The following HELZ2 variants were observed in gnomAD, a reference collection of about 807,000 sequenced individuals.
The protein encoded by HELZ2 is helicase with zinc finger 2.
In HELZ2, 143 loss-of-function variants were observed where a neutral mutation model predicts 208.8. That is an observed-to-expected ratio of 0.68 (90% CI 0.60 to 0.79). The LOEUF (loss-of-function observed/expected upper bound fraction) is 0.79. HELZ2 is among the 30% of genes least tolerant of loss of function. The pLI, the probability that HELZ2 is intolerant of heterozygous loss-of-function variation, is 0.00. For synonymous variants in HELZ2, 1,705 were observed against 1,693.7 expected (o/e 1.01, Z -0.16); for missense variants, 3,690 against 3,794.5 (o/e 0.97, Z 0.72).
exon 11 of HELZ2, chr20:63,561,848 G>A (rs753966138): frequency 1.4e-4 from 220 of 1,563,164 alleles, no homozygotes; most frequent in Non-Finnish European, 1.7e-4. Flanking sequence ...CCGACTTGTT[G>A]GAGGGGCCGC....
exon 8 of HELZ2, chr20:63,563,987 G>A (rs756899728): frequency 3.1e-6 from 5 of 1,603,022 alleles, no homozygotes; most frequent in Middle Eastern, 3.3e-4. Context: ...GTAGTCCTGG[G>A]TGCGGGCAGC....
At chr20:63,559,781 A>G (rs1318921224) in intron 18 of HELZ2, 147 bp downstream of exon 19, 3 of 501,626 alleles carry the variant, frequency 6.0e-6, no homozygotes, top group Non-Finnish European at 3.4e-6. Flanking sequence ...GATGGGAGTC[A>G]GTCAGAGTCA....
chr20:63,564,128 G>T, exon 8 of HELZ2: 1 of 1,611,798 alleles, frequency 6.2e-7, no homozygotes, highest in Non-Finnish European at 8.5e-7. Flanking sequence ...CTCACACAGG[G>T]CCTTGAGCTG....
chr20:63,570,115 ATTTTTTTTTT>A (rs56804055), intron 3 of HELZ2: 2,429 of 285,688 alleles, frequency 8.5e-3, no homozygotes, highest in East Asian at 0.043. Context: ...TGCCTGGCTA[ATTTTTTTTTT>A]TTTTTTTTTT....
exon 5 of HELZ2, chr20:63,568,570 A>T (rs749302439): frequency 1.7e-5 from 27 of 1,589,070 alleles, no homozygotes; most frequent in African/African-American, 2.7e-5. Context: ...GGACAGACCA[A>T]GGTCTGGGCA....
downstream of HELZ2, chr20:63,559,175 G>A (rs2082848484): frequency 1.4e-6 from 2 of 1,433,336 alleles, no homozygotes; most frequent in South Asian, 1.4e-5. Context: ...ATGGCGGAGG[G>A]TGGTGGGGAG....
Position 63,561,150 on chromosome 20 carries a change from CA to C in HELZ2, c.7077del (p.Asp2360ThrfsTer85), listed in dbSNP as rs1336515965. On this transcript the variant is annotated frameshift_variant, in exon 14 of 19. Coordinates refer to ENST00000467148, the Ensembl canonical transcript of HELZ2. LOFTEE classifies it high-confidence loss of function. ...GGTTCCGTGGCCATGCCTGCCTCGT[CA>C]ACAAGGATCTGCCTCACGTCCAGGA... The C allele has an allele frequency of 6.2e-7, 1 of 1,612,950 alleles. No individual in the cohort carries two copies. Among genetic ancestry groups the C allele is most frequent in the Non-Finnish European group, 8.5e-7 (1 of 1,179,998 alleles).
At chr20:63,568,002 G>A in intron 5 of HELZ2, 1 of 540,250 alleles carries the variant, frequency 1.9e-6, no homozygotes, top group Non-Finnish European at 3.3e-6. Context: ...GCAGGAACCA[G>A]AGGAAACCAC....
Position 63,561,916 on chromosome 20 carries a change from G to A in HELZ2, c.6598C>T (p.Gln2200Ter). The A allele has an allele frequency of 1.9e-6, 3 of 1,592,768 alleles. No homozygotes were observed. The highest frequency in any genetic ancestry group is 2.6e-6 in the Non-Finnish European group (3 of 1,169,456). The change falls in exon 11 of 19, where the codon CAG becomes TAG. Residue 2200 changes from glutamine (Q) to a stop codon, truncating the protein, a stop_gained. Transcript: ENST00000467148. LOFTEE classifies it high-confidence loss of function. ...TCCCCACGGGGGGGGCCTCCGGGCT[G>A]CACCTGCTCCTGGTTTGATTTATGA...
intron 18 of HELZ2, 22 bp downstream of exon 19, chr20:63,559,906 A>C: frequency 6.3e-7 from 1 of 1,576,914 alleles, no homozygotes; most frequent in Non-Finnish European, 8.7e-7. Context: ...CCCACCCTGG[A>C]AGAGCCCAGC....
chr20:63,565,489 C>T, exon 8 of HELZ2: 1 of 1,607,032 alleles, frequency 6.2e-7, no homozygotes, highest in Non-Finnish European at 8.5e-7. Flanking sequence ...GGGGCAGGTT[C>T]TCGTACAGCC....
exon 14 of HELZ2, chr20:63,561,136 C>T (rs1367436929): frequency 6.2e-7 from 1 of 1,612,870 alleles, no homozygotes; most frequent in Admixed American, 1.7e-5. Flanking sequence ...GTTCCGTGGC[C>T]ATGCCTGCCT....
In HELZ2 at chr20:63,567,254, G is replaced by A. The variant is rs771861586; in HGVS notation, c.2104C>T (p.Arg702Trp). ...CGGGCCCTGGCCACACTGAACAGCC[G>A]GGGTGTGACCTGCATGTGGTCGCCC... The change falls in exon 6 of 19, where the codon CGG becomes TGG. Residue 702 changes from arginine (R) to tryptophan (W), a missense_variant. Physicochemically the swap from Arg to Trp is moderately radical, Grantham distance 101. Transcript: ENST00000467148. 10 of 1,608,782 alleles carry A rather than the reference G, an allele frequency of 6.2e-6. No individual in the cohort carries two copies. The East Asian group carries it at 6.7e-5, about 11-fold the overall frequency.
downstream of HELZ2, chr20:63,559,151 G>A: frequency 4.6e-6 from 6 of 1,307,374 alleles, no homozygotes; most frequent in East Asian, 8.6e-5. Context: ...AGGCAGGCTG[G>A]CCCAGGCAGG....
Position 63,570,802 on chromosome 20 carries a change from C to T in HELZ2, c.345G>A (p.Trp115Ter). 6.2e-7 allele frequency: 1 copy of T among 1,611,042 alleles called. No homozygotes were observed. Among genetic ancestry groups the T allele is most frequent in the Non-Finnish European group, 8.5e-7 (1 of 1,179,186 alleles). Residue 115 changes from tryptophan to a stop codon, truncating the protein, a stop_gained, in exon 2 of 19, where the codon TGG (tryptophan) becomes TGA (stop). Transcript: ENST00000467148. LOFTEE classifies it high-confidence loss of function. ...GCTCCACAGCCTGCGTGCGCCGGACCCACTCCTGCAGCTCCTGTGCTGAGT... is the reference window on the plus strand; with the variant it reads ...GCTCCACAGCCTGCGTGCGCCGGACTCACTCCTGCAGCTCCTGTGCTGAGT...
At chr20:63,570,477 G>T in intron 3 of HELZ2, 27 bp downstream of exon 4, 1 of 1,590,694 alleles carries the variant, frequency 6.3e-7, no homozygotes, top group Non-Finnish European at 8.6e-7. Flanking sequence ...GGCTCCCTCC[G>T]CCCAGTCGGA....
At chr20:63,570,036 C>T in intron 3 of HELZ2, 1 of 433,284 alleles carries the variant, frequency 2.3e-6, no homozygotes, top group South Asian at 2.1e-5. Context: ...ACAACCTCCG[C>T]CTCCTGGGTT....
At chr20:63,560,515 C>G in exon 16 of HELZ2, 1 of 1,591,074 alleles carries the variant, frequency 6.3e-7, no homozygotes, top group Non-Finnish European at 8.5e-7. Context: ...CCTTGGAGTT[C>G]TCATTCCCTT....
chr20:63,565,409 G>T (rs1169018489), exon 8 of HELZ2: 5 of 1,611,104 alleles, frequency 3.1e-6, no homozygotes, highest in East Asian at 2.2e-5. Context: ...CCGCTCGAAG[G>T]TCTCTGGCAC....
Sources: allele counts gnomAD v4.1 joint callset, GRCh38; gene constraint gnomAD v4.1.1; transcripts MANE v1.5; gene names NCBI Gene and HGNC (gene_info 2026-07-23, HGNC 2026-07-21).